The following FAM193A variants were observed in gnomAD, a reference collection of about 807,000 sequenced individuals.
FAM193A encodes protein FAM193A.
A neutral mutation model predicts 126.5 loss-of-function variants in FAM193A; 22 were observed. The ratio of observed to expected loss-of-function variants is 0.17; its 90% CI spans 0.12 to 0.25. The LOEUF (loss-of-function observed/expected upper bound fraction) is 0.25, where lower values mean the gene tolerates loss of function less well. Ranked by LOEUF, FAM193A falls within the 10% of genes least tolerant of loss-of-function variation. The pLI is 1.00. For synonymous variants in FAM193A, 761 were observed against 646.8 expected (o/e 1.18, Z -2.68); for missense variants, 1,675 against 1,672.8 (o/e 1.00, Z -0.02).
rs757545418 is a variant in FAM193A, at chr4:2,659,889, A to G, written c.1580A>G (p.His527Arg). ...GACCCCCCCGTCACTGATGACATCC[A>G]CATTCACCAGCTCCCACTTCAAGTG... ...IMDPPVTDDI[H>R]IHQLPLQVDP... The change falls in exon 10 of 21, where the codon CAC (histidine) becomes CGC (arginine). Residue 527 changes from histidine to arginine, a missense_variant. Around this residue, in one of 4 missense-constraint regions of FAM193A, gnomAD observed 1,186 missense variants for 1,109.2 expected, o/e 1.07. Coordinates refer to ENST00000637812, the MANE Select transcript of FAM193A (RefSeq NM_001366318.2). The G allele has an allele frequency of 1.9e-6, 3 of 1,614,164 alleles. No homozygotes were observed. The highest frequency in any genetic ancestry group is 1.1e-5 in the South Asian group (1 of 91,088).
At position 2,672,304 on chromosome 4, in the gene FAM193A, G is replaced by A. The variant is rs772755858; in HGVS notation, c.2263G>A (p.Val755Ile). 2 of 1,613,978 alleles carry A rather than the reference G, an allele frequency of 1.2e-6. No homozygotes were observed. The highest frequency in any genetic ancestry group is 3.3e-5 in the Admixed American group (2 of 59,990). ...HIHGHVPLHT[V>I]PHLPRPLIHP... The stretch of plus-strand genomic sequence containing the variant: ...CCATGGACATGTGCCTTTGCACACT[G>A]TTCCACACCTGCCACGCCCTCTCAT... The change falls in exon 13 of 21, where the codon GTT (valine) becomes ATT (isoleucine). Residue 755 changes from valine to isoleucine, a missense_variant. This residue lies in a region of FAM193A where 1,186 missense variants were observed against 1,109.2 expected (regional missense o/e 1.07). Coordinates refer to ENST00000637812, the MANE Select transcript of FAM193A (RefSeq NM_001366318.2).
Position 2,602,959 on chromosome 4 carries a change from CTTTTTTTTTTTTTTTT to C in FAM193A, c.501+6642_501+6657del, listed in dbSNP as rs71178487. Among the ~76,000 whole-genome samples, 14 of 42,306 alleles carry C rather than the reference CTTTTTTTTTTTTTTTT, an allele frequency of 3.3e-4. No homozygotes were observed. In the South Asian group the frequency reaches 0.015, roughly 44 times the overall value. 27.8% of individuals were successfully genotyped at this position (42,306 alleles called of 152,430 possible). On this transcript the variant is annotated intron_variant, in intron 2 of 20. Coordinates refer to ENST00000637812, the MANE Select transcript of FAM193A (RefSeq NM_001366318.2). Reference sequence around the variant, plus strand: ...ACAAGTGTGAGCCACTGCACCCGGCCTTTTTTTTTTTTTTTTTTTTTTTTTTTGAGACGAAGTCTCG... The same window carrying C: ...ACAAGTGTGAGCCACTGCACCCGGCCTTTTTTTTTTTGAGACGAAGTCTCG...
chr4:2,705,843 C>T (rs1274846991), intron 19 of FAM193A, among the ~76,000 whole-genome samples: 2 of 152,116 alleles, frequency 1.3e-5, no homozygotes, highest in African/African-American at 4.8e-5. Context: ...CTGCCTCAGC[C>T]TCCCACAGTG....
chr4:2,701,746 G>A (rs577031609), intron 19 of FAM193A, among the ~76,000 whole-genome samples: 1 of 152,066 alleles, frequency 6.6e-6, no homozygotes, highest in African/African-American at 2.4e-5. Flanking sequence ...GATTCTTGCC[G>A]GAAATGTTTA....
At chr4:2,672,431 C>T in intron 13 of FAM193A, 59 bp downstream of exon 13, 14 of 1,574,712 alleles carry the variant, frequency 8.9e-6, no homozygotes, top group Non-Finnish European at 1.2e-5. Flanking sequence ...TACAGGAGTA[C>T]ATAGTCAAAC....
chr4:2,611,037 G>T (rs538240986), intron 2 of FAM193A, among the ~76,000 whole-genome samples: 2 of 151,194 alleles, frequency 1.3e-5, no homozygotes, highest in African/African-American at 4.9e-5. Flanking sequence ...GTGCCCGGCC[G>T]AGTATCAGTC....
At chr4:2,643,203 C>A (rs1478965536) in intron 6 of FAM193A, among the ~76,000 whole-genome samples, 1 of 152,152 alleles carries the variant, frequency 6.6e-6, no homozygotes, top group Non-Finnish European at 1.5e-5. Context: ...GCAGCTGACT[C>A]CCTTGTCAGC....
In FAM193A at chr4:2,603,236, C is replaced by A. The variant is rs951652725; in HGVS notation, c.501+6907C>A. 2.7e-5 allele frequency among the ~76,000 whole-genome samples: 4 copies of A among 148,420 alleles called. 1 individual carries two copies. Among genetic ancestry groups the A allele is most frequent in the Non-Finnish European group, 5.9e-5 (4 of 67,440 alleles). Reference sequence around the variant, plus strand: ...TCTCAGTCTCGTGACCTGCCCACCTCGGCCTCCTGATTGCTGGGATTATAG... The same window carrying A: ...TCTCAGTCTCGTGACCTGCCCACCTAGGCCTCCTGATTGCTGGGATTATAG... On this transcript the variant is annotated intron_variant, in intron 2 of 20. Transcript: ENST00000637812.
intron 4 of FAM193A, among the ~76,000 whole-genome samples, chr4:2,629,869 C>T (rs972739731): frequency 2.0e-5 from 3 of 152,162 alleles, no homozygotes; most frequent in South Asian, 2.1e-4. Flanking sequence ...CGGTGGCTCA[C>T]GCCTGTAAGT....
intron 1 of FAM193A, among the ~76,000 whole-genome samples, chr4:2,564,864 G>A (rs1257593240): frequency 6.6e-6 from 1 of 152,086 alleles, no homozygotes; most frequent in East Asian, 1.9e-4. Context: ...GGAGGGCAGT[G>A]GCACCATCCG....
At chr4:2,646,864 G>A (rs746598635) in intron 7 of FAM193A, 32 bp downstream of exon 7, 35 of 1,588,992 alleles carry the variant, frequency 2.2e-5, no homozygotes, top group South Asian at 1.1e-4. Context: ...CGCACCCCGC[G>A]CACATCCTCA....
At chr4:2,695,888 G>A (rs1218712731) in intron 17 of FAM193A, among the ~76,000 whole-genome samples, 2 of 152,112 alleles carry the variant, frequency 1.3e-5, no homozygotes, top group Non-Finnish European at 1.5e-5. Context: ...CGACACAGGA[G>A]ACCCTGTCTC....
At chr4:2,607,727 G>A (rs371565410) in intron 2 of FAM193A, 8 of 344,310 alleles carry the variant, frequency 2.3e-5, no homozygotes, top group African/African-American at 1.5e-4. Flanking sequence ...CCTTACCCTC[G>A]CTGCGGCTCT....
intron 1 of FAM193A, among the ~76,000 whole-genome samples, chr4:2,576,569 C>G (rs1471735948): frequency 6.6e-6 from 1 of 152,202 alleles, no homozygotes. Flanking sequence ...GTGATACTTG[C>G]TCTTGCTCTG....
intron 2 of FAM193A, among the ~76,000 whole-genome samples, chr4:2,598,142 C>G (rs937932018): frequency 1.3e-5 from 2 of 152,220 alleles, no homozygotes; most frequent in Non-Finnish European, 2.9e-5. Flanking sequence ...ATCCGCCCGC[C>G]TCTGCCTTCC....
intron 18 of FAM193A, among the ~76,000 whole-genome samples, chr4:2,698,111 G>A (rs896495173): frequency 2.0e-5 from 3 of 152,250 alleles, no homozygotes; most frequent in Non-Finnish European, 2.9e-5. Context: ...GCTCACAGAT[G>A]TGTGTTGAGG....
chr4:2,587,351 A>T (rs2108889703), intron 1 of FAM193A, among the ~76,000 whole-genome samples: 2 of 152,318 alleles, frequency 1.3e-5, no homozygotes, highest in South Asian at 4.1e-4. Context: ...GACAGCACCA[A>T]GCCATTCATG....
chr4:2,693,444 TA>T, intron 15 of FAM193A, 141 bp from the exon 16 acceptor site: 1 of 835,546 alleles, frequency 1.2e-6, no homozygotes, highest in Non-Finnish European at 1.9e-6. Context: ...ATAAAGTTTA[TA>T]AATATGACAG....
At chr4:2,543,845 G>A (rs1475157184) in intron 1 of FAM193A, among the ~76,000 whole-genome samples, 1 of 87,348 alleles carries the variant, frequency 1.1e-5, no homozygotes, top group Middle Eastern at 0.014. Flanking sequence ...ACTTCAGCCT[G>A]CACAAAAGAA....
Sources: allele counts gnomAD v4.1 joint callset (sites outside exome capture counted in the v4.1 genomes callset), GRCh38; gene constraint gnomAD v4.1.1; regional missense constraint gnomAD v4.1.1; transcripts MANE v1.5; gene names NCBI Gene and HGNC (gene_info 2026-07-23, HGNC 2026-07-21).